ZFHX2: variants seen among roughly 807,000 people sequenced by gnomAD.
The protein encoded by ZFHX2 is zinc finger homeobox protein 2.
ZFHX2 carries 75 observed loss-of-function variants against 164.8 expected under a neutral mutation model. The ratio of observed to expected loss-of-function variants is 0.46; its 90% CI spans 0.38 to 0.55. ZFHX2 has a LOEUF of 0.55. Among genes scored for constraint, ZFHX2 ranks in the 20% least tolerant of loss-of-function variants. The pLI is 0.00. For synonymous variants in ZFHX2, 1,217 were observed against 1,351.4 expected, an observed-to-expected ratio of 0.90 and a Z score of 2.18; for missense variants, 2,933 against 3,308.0, an observed-to-expected ratio of 0.89 and a Z score of 2.78.
intron 1 of ZFHX2, among the ~76,000 whole-genome samples, chr14:23,547,572 C>T (rs1265705141): frequency 1.3e-5 from 2 of 152,178 alleles, no homozygotes; most frequent in Non-Finnish European, 2.9e-5. Context: ...AGACTCTGCA[C>T]ATGAGCCCTG....
chr14:23,541,297 T>A (rs931838237), intron 1 of ZFHX2, among the ~76,000 whole-genome samples: 3 of 151,548 alleles, frequency 2.0e-5, no homozygotes, highest in Non-Finnish European at 4.4e-5. Flanking sequence ...ATTTTTTTTT[T>A]TTTTTTTTGA....
At position 23,526,118 on chromosome 14, in the gene ZFHX2, C is replaced by T. The variant is rs1430200994; in HGVS notation, c.3824G>A (p.Arg1275His). ...IHMRSVLHQT[R>H]SRGTKTDSKI... ...GGAATCAGTCTTGGTTCCCCGAGAGCGAGTCTGATGCAGAACTGACCGCAT... is the reference window on the plus strand; with the variant it reads ...GGAATCAGTCTTGGTTCCCCGAGAGTGAGTCTGATGCAGAACTGACCGCAT... The change falls in exon 9 of 10, where the codon CGC becomes CAC. Residue 1275 changes from arginine (R) to histidine (H), a missense_variant. Physicochemically the swap from Arg to His is conservative, Grantham distance 29. Coordinates refer to ENST00000419474, the MANE Select transcript of ZFHX2 (RefSeq NM_033400.3). The T allele has an allele frequency of 3.9e-6, 6 of 1,536,434 alleles. No homozygotes were observed. In the East Asian group the frequency reaches 7.3e-5, roughly 19 times the overall value.
At chr14:23,529,174 C>T (rs996548558) in intron 6 of ZFHX2, among the ~76,000 whole-genome samples, 1 of 152,224 alleles carries the variant, frequency 6.6e-6, no homozygotes, top group African/African-American at 2.4e-5. Context: ...ACAGAGCTGC[C>T]ATTCCTGGGT....
chr14:23,554,241 G>C (rs891024764), upstream of ZFHX2, among the ~76,000 whole-genome samples: 7 of 152,048 alleles, frequency 4.6e-5, no homozygotes. Context: ...TTCATCCCAG[G>C]TTAACAAAAC....
chr14:23,551,957 C>G (rs1881998478), upstream of ZFHX2, among the ~76,000 whole-genome samples: 1 of 152,236 alleles, frequency 6.6e-6, no homozygotes, highest in South Asian at 2.1e-4. The surrounding 1 kb of genome is among the most constrained non-coding windows in gnomAD (Gnocchi z 5.3). Context: ...GGGCAGGCCC[C>G]TTTAAACTCT....
Position 23,524,947 on chromosome 14 carries a change from G to A in ZFHX2, c.4995C>T (p.Gly1665=). The A allele has an allele frequency of 6.5e-7, 1 of 1,536,298 alleles. No individual in the cohort carries two copies. Residue 1665 remains glycine, a synonymous_variant, in exon 9 of 10, where the codon GGC becomes GGT. Transcript: ENST00000419474. The surrounding 1 kb of genome is among the most constrained non-coding windows in gnomAD (Gnocchi z 5.6). Reference sequence around the variant, plus strand: ...GCCTGCAGCCGGAGGCTCCCCCAGTGCCTCCTCCGGTTGGCATGGACCCAC... The same window carrying A: ...GCCTGCAGCCGGAGGCTCCCCCAGTACCTCCTCCGGTTGGCATGGACCCAC... ...CEGGSMPTGG[G]TGGASGCRRC...
At position 23,533,122 on chromosome 14, in the gene ZFHX2, A is replaced by G. The variant is rs764448564; in HGVS notation, c.2042-38T>C. The G allele has an allele frequency of 1.3e-6, 2 of 1,481,506 alleles. No homozygotes were observed. The highest frequency in any genetic ancestry group is 1.3e-5 in the South Asian group (1 of 75,226). 91.8% of individuals were successfully genotyped at this position (1,481,506 alleles called of 1,614,324 possible). On this transcript the variant is annotated intron_variant, in intron 2 of 9. Transcript: ENST00000419474. This position sits in a 1 kb window ranked among gnomAD's most constrained non-coding sequence, Gnocchi z 4.8. The stretch of plus-strand genomic sequence containing the variant: ...GACAGATTAGTGGCCCAAGAAAGAA[A>G]TGGGGCACGGTTGGTTCTCTATGTG...
intron 5 of ZFHX2, among the ~76,000 whole-genome samples, 167 bp downstream of exon 5, chr14:23,529,953 G>A (rs536975602): frequency 3.9e-5 from 6 of 152,272 alleles, no homozygotes; most frequent in East Asian, 1.9e-4. Context: ...CAAAGAGGGC[G>A]GAAGTGCCTA....
rs780965803 is a variant in ZFHX2 at position 23,522,832 on chromosome 14, G to A, written c.6849C>T (p.Pro2283=). 128 of 1,534,616 alleles carry A rather than the reference G, an allele frequency of 8.3e-5. No homozygotes were observed. Among genetic ancestry groups the A allele is most frequent in the Middle Eastern group, 5.0e-4 (3 of 5,966 alleles). ...CTGCTGTGGAGGTGTTGGTTTGGTCGGGCATGGGTCTCTGAGGTAAGGGGC... is the reference window on the plus strand; with the variant it reads ...CTGCTGTGGAGGTGTTGGTTTGGTCAGGCATGGGTCTCTGAGGTAAGGGGC... ...PGRPLPQRPM[P]DQTNTSTAGT... Residue 2283 remains proline (P), a synonymous_variant, in exon 10 of 10, where the codon CCC becomes CCT. Transcript: ENST00000419474.
rs1388371927 is a variant in ZFHX2 at position 23,521,678 on chromosome 14, T to C, written c.*284A>G. On this transcript the variant is annotated 3_prime_UTR_variant, in exon 10 of 10. Coordinates refer to ENST00000419474, the MANE Select transcript of ZFHX2 (RefSeq NM_033400.3). ...GTGGTAGGCAGACATGTATGAATAA[T>C]CAGGGTGCCAAGATGGGTGTATGTG... 4 of 419,734 alleles carry C rather than the reference T, an allele frequency of 9.5e-6. No individual in the cohort carries two copies. The highest frequency in any genetic ancestry group is 8.1e-5 in the African/African-American group (4 of 49,180). The allele number at this position is 419,734 out of a possible 1,614,324, so 26.0% of individuals were successfully genotyped here.
At chr14:23,531,089 C>G (rs1233951225) in intron 4 of ZFHX2, 1 of 162,708 alleles carries the variant, frequency 6.1e-6, no homozygotes, top group Non-Finnish European at 1.3e-5. Flanking sequence ...TTGGATCATG[C>G]CCACAGCTCC....
intron 1 of ZFHX2, among the ~76,000 whole-genome samples, chr14:23,548,859 G>T (rs1216054161): frequency 1.3e-5 from 2 of 152,154 alleles, no homozygotes; most frequent in African/African-American, 4.8e-5. Flanking sequence ...CGCCCCCGCA[G>T]TGCTCTCGCT....
chr14:23,527,901 CTTTTTT>C (rs745574496), intron 6 of ZFHX2, 97 bp from the exon 7 acceptor site: 141 of 448,736 alleles, frequency 3.1e-4, no homozygotes, highest in Middle Eastern at 1.4e-3. Context: ...GCCCCCACTC[CTTTTTT>C]TTTTTTTTTT....
rs116693907 is a variant in ZFHX2, at chr14:23,523,732, G to T, written c.6210C>A (p.Thr2070=). The change falls in exon 9 of 10, where the codon ACC becomes ACA. Residue 2070 remains threonine, a synonymous_variant. Coordinates refer to ENST00000419474, the MANE Select transcript of ZFHX2 (RefSeq NM_033400.3). This position sits in a 1 kb window ranked among gnomAD's most constrained non-coding sequence, Gnocchi z 4.1. Reference sequence around the variant, plus strand: ...TCTTCAGCTGCAGGCTGCTCATCTGGGTCCTGTAGCGCCGCTGCCCCATTC... The same window carrying T: ...TCTTCAGCTGCAGGCTGCTCATCTGTGTCCTGTAGCGCCGCTGCCCCATTC... The part of the protein sequence containing the change: ...PDGMGQRRYR[T]QMSSLQLKIM... The T allele has an allele frequency of 2.0e-3, 3,073 of 1,536,310 alleles. 50 individuals carry two copies. In the African/African-American group the frequency reaches 0.035, roughly 17 times the overall value.
At chr14:23,539,897 C>T (rs911556516) in intron 1 of ZFHX2, among the ~76,000 whole-genome samples, 1 of 152,254 alleles carries the variant, frequency 6.6e-6, no homozygotes, top group East Asian at 1.9e-4. Context: ...TTTCTCCAAA[C>T]CCAACTCCAT....
At chr14:23,530,444 A>G in intron 4 of ZFHX2, 1 of 668,124 alleles carries the variant, frequency 1.5e-6, no homozygotes, top group Non-Finnish European at 2.8e-6. Context: ...GTCCTTTTAT[A>G]GAAGTCCAGC....
At chr14:23,553,272 G>C (rs552448164), upstream of ZFHX2, among the ~76,000 whole-genome samples, 2 of 152,306 alleles carry the variant, frequency 1.3e-5, no homozygotes, top group South Asian at 4.1e-4. Flanking sequence ...ATCCTCACAG[G>C]TAACTGTGAG....
chr14:23,524,377 G>T lies in ZFHX2; in HGVS notation c.5565C>A (p.Pro1855=). 1 of 1,536,196 alleles carries T rather than the reference G, an allele frequency of 6.5e-7. No homozygotes were observed. The highest frequency in any genetic ancestry group is 8.7e-7 in the Non-Finnish European group (1 of 1,146,920). ...TGGTGGTGCGCAGGCGCTTGTCCCT[G>T]GGGGGCTCGCCCTCCCCTCCTCCCC... ...EAGGGGEGEP[P]RDKRLRTTIL... Residue 1855 remains proline, a synonymous_variant, in exon 9 of 10, where the codon CCC becomes CCA. Coordinates refer to ENST00000419474, the MANE Select transcript of ZFHX2 (RefSeq NM_033400.3). This position sits in a 1 kb window ranked among gnomAD's most constrained non-coding sequence, Gnocchi z 5.6.
In ZFHX2 at chr14:23,535,767, T is replaced by C. The variant is rs1880069923; in HGVS notation, c.-49-393A>G. On this transcript the variant is annotated intron_variant, in intron 1 of 9. Transcript: ENST00000419474. This position sits in a 1 kb window ranked among gnomAD's most constrained non-coding sequence, Gnocchi z 4.5. ...GCCACCACACCTGACTAATTTTGTA[T>C]TTTTAGTAGAGACGGGGTTTCTCCG... Among the ~76,000 whole-genome samples the C allele has an allele frequency of 6.6e-6, 1 of 152,108 alleles. No homozygotes were observed. Among genetic ancestry groups the C allele is most frequent in the African/African-American group, 2.4e-5 (1 of 41,412 alleles).
Sources: allele counts gnomAD v4.1 joint callset (sites outside exome capture counted in the v4.1 genomes callset), GRCh38; gene constraint gnomAD v4.1.1; non-coding constraint Gnocchi (gnomAD v3.1); transcripts MANE v1.5; gene names NCBI Gene and HGNC (gene_info 2026-07-23, HGNC 2026-07-21).